The following SLC25A26 variants were observed in gnomAD, a reference collection of about 807,000 sequenced individuals.
The protein encoded by SLC25A26 is solute carrier family 25 member 26.
A neutral mutation model predicts 37.8 loss-of-function variants in SLC25A26; 36 were observed. That is an observed-to-expected ratio of 0.95 (90% CI 0.73 to 1.26). The LOEUF is 1.26. Ranked by LOEUF, SLC25A26 falls within the 50% of genes most tolerant of loss-of-function variation. The probability of loss-of-function intolerance (pLI) is 0.00; values close to 1 mark genes in which losing one functional copy is unlikely to be tolerated. For missense variants in SLC25A26, 390 were observed against 331.1 expected, an observed-to-expected ratio of 1.18 and a Z score of -1.38; for synonymous variants, 129 against 122.5, an observed-to-expected ratio of 1.05 and a Z score of -0.35.
chr3:66,331,396 G>GTTAC (rs1264557743), intron 5 of SLC25A26, among the ~76,000 whole-genome samples: 1 of 152,040 alleles, frequency 6.6e-6, no homozygotes, highest in Non-Finnish European at 1.5e-5. Context: ...GGCTTTTGTT[G>GTTAC]TTACTTAATA....
intron 1 of SLC25A26, among the ~76,000 whole-genome samples, chr3:66,187,773 C>G (rs901973334): frequency 2.7e-5 from 4 of 149,530 alleles, no homozygotes; most frequent in Non-Finnish European, 4.5e-5. Context: ...GTCCCTGAGA[C>G]TCATCCTGAT....
Position 66,377,688 on chromosome 3 carries a change from A to C in SLC25A26, c.708-2A>C. The C allele has an allele frequency of 6.2e-7, 1 of 1,609,812 alleles. No individual in the cohort carries two copies. The highest frequency in any genetic ancestry group is 2.2e-5 in the East Asian group (1 of 44,834). On this transcript the variant is annotated splice_acceptor_variant, in intron 9 of 9. Coordinates refer to ENST00000354883, the MANE Select transcript of SLC25A26 (RefSeq NM_001379210.1). LOFTEE classifies it high-confidence loss of function. ...CATTAAAAATCCTGTTTTTTCCCCT[A>C]GATTATTTGCAGGTGTCTTCCCTCG...
intron 1 of SLC25A26, among the ~76,000 whole-genome samples, chr3:66,196,714 TA>T (rs2071049042): frequency 3.3e-5 from 5 of 150,858 alleles, no homozygotes; most frequent in Non-Finnish European, 5.9e-5. Flanking sequence ...TTAAAAAAAC[TA>T]ATAAGAAATC....
At chr3:66,213,115 G>A (rs1054831404) in intron 1 of SLC25A26, among the ~76,000 whole-genome samples, 7 of 152,200 alleles carry the variant, frequency 4.6e-5, no homozygotes, top group East Asian at 3.9e-4. Flanking sequence ...TAGGCCTGGC[G>A]CAGCCCAGGC....
At chr3:66,325,215 AAGAT>A (rs1391445826) in intron 5 of SLC25A26, among the ~76,000 whole-genome samples, 4 of 152,204 alleles carry the variant, frequency 2.6e-5, no homozygotes, top group African/African-American at 7.2e-5. Flanking sequence ...TGAAAAATAA[AAGAT>A]AGCCAGAATA....
chr3:66,301,777 A>G (rs1014778990), intron 5 of SLC25A26, among the ~76,000 whole-genome samples: 1 of 152,228 alleles, frequency 6.6e-6, no homozygotes, highest in East Asian at 1.9e-4. Flanking sequence ...AGATACAAGC[A>G]TTAGAATTGT....
chr3:66,317,320 G>T (rs187995702), intron 5 of SLC25A26, among the ~76,000 whole-genome samples: 1 of 152,250 alleles, frequency 6.6e-6, no homozygotes, highest in East Asian at 1.9e-4. Flanking sequence ...TGTTGTTGTT[G>T]TTGCTTTCGG....
intron 5 of SLC25A26, 111 bp downstream of exon 5, chr3:66,263,490 ATC>A: frequency 2.8e-6 from 2 of 720,602 alleles, no homozygotes; most frequent in Admixed American, 5.3e-5. Context: ...GGTTTAAAAA[ATC>A]AAAAAGGGAA....
chr3:66,326,410 C>A (rs981660496), intron 5 of SLC25A26, among the ~76,000 whole-genome samples: 1 of 152,176 alleles, frequency 6.6e-6, no homozygotes, highest in Non-Finnish European at 1.5e-5. Flanking sequence ...GGGTTGCCTG[C>A]CCTGGTAGAG....
chr3:66,371,913 A>T (rs1246749579), intron 9 of SLC25A26, among the ~76,000 whole-genome samples: 1 of 152,112 alleles, frequency 6.6e-6, no homozygotes, highest in African/African-American at 2.4e-5. Context: ...CCTGGGCAAT[A>T]TGGCAAGACT....
At chr3:66,331,084 T>C (rs1319279820) in intron 5 of SLC25A26, among the ~76,000 whole-genome samples, 2 of 152,142 alleles carry the variant, frequency 1.3e-5, no homozygotes, top group African/African-American at 4.8e-5. Flanking sequence ...TTATTAATTA[T>C]TGTTTAGTTT....
chr3:66,178,359 C>A (rs1419961000), intron 1 of SLC25A26, among the ~76,000 whole-genome samples: 8 of 152,146 alleles, frequency 5.3e-5, no homozygotes, highest in Admixed American at 2.0e-4. Context: ...CTGAGGCCAT[C>A]TTCAACCAAT....
At chr3:66,234,716 T>A (rs2072192624) in intron 1 of SLC25A26, among the ~76,000 whole-genome samples, 1 of 152,248 alleles carries the variant, frequency 6.6e-6, no homozygotes, top group Non-Finnish European at 1.5e-5. Context: ...AGATAGTATT[T>A]GCTAGGTACC....
chr3:66,297,293 C>T (rs2074934246), intron 5 of SLC25A26, among the ~76,000 whole-genome samples: 2 of 147,424 alleles, frequency 1.4e-5, no homozygotes, highest in African/African-American at 5.0e-5. Context: ...GTGCCATTGC[C>T]CTCCAGCCTG....
chr3:66,359,498 C>T (rs1468276339), intron 6 of SLC25A26, among the ~76,000 whole-genome samples: 1 of 152,154 alleles, frequency 6.6e-6, no homozygotes, highest in Non-Finnish European at 1.5e-5. Flanking sequence ...TTGGAGTAGC[C>T]TTCTACTCTT....
intron 1 of SLC25A26, among the ~76,000 whole-genome samples, chr3:66,151,518 T>C (rs530177578): frequency 1.3e-5 from 2 of 152,192 alleles, no homozygotes; most frequent in African/African-American, 4.8e-5. Context: ...TGTAATGTGT[T>C]ACACAGCCTG....
chr3:66,182,514 T>G (rs2106762322), intron 1 of SLC25A26, among the ~76,000 whole-genome samples: 1 of 152,210 alleles, frequency 6.6e-6, no homozygotes, highest in South Asian at 2.1e-4. Context: ...AAACACTGTT[T>G]CATAGAGTCT....
chr3:66,370,378 C>T, intron 8 of SLC25A26, 151 bp from the exon 9 acceptor site: 5 of 715,318 alleles, frequency 7.0e-6, no homozygotes, highest in Non-Finnish European at 1.2e-5. Context: ...GGCGAGCGAG[C>T]CAGGTCCTGA....
rs1374907131 is a variant in SLC25A26, at chr3:66,263,348, A to G, written c.422A>G (p.Tyr141Cys). The change falls in exon 5 of 10, where the codon TAT becomes TGT. Residue 141 changes from tyrosine (Y) to cysteine (C), a missense_variant. Physicochemically the swap from Tyr to Cys is radical, Grantham distance 194. Transcript: ENST00000354883. ...ILYEEGIQGL[Y>C]RGYKSTVLRE... ...TTGTTTCAGGGTATCCAAGGGTTGTATCGAGGCTATAAAAGCACAGTTTTA... is the reference window on the plus strand; with the variant it reads ...TTGTTTCAGGGTATCCAAGGGTTGTGTCGAGGCTATAAAAGCACAGTTTTA... 2.5e-6 allele frequency: 4 copies of G among 1,612,444 alleles called. No individual in the cohort carries two copies. Among genetic ancestry groups the G allele is most frequent in the Admixed American group, 1.7e-5 (1 of 59,958 alleles).
Sources: gnomAD v4.1 joint callset for allele counts (sites outside exome capture counted in the v4.1 genomes callset) on GRCh38, gnomAD v4.1.1 for gene constraint, MANE v1.5 for transcripts, NCBI Gene and HGNC (gene_info 2026-07-23, HGNC 2026-07-21) for gene names.